The following DNM3 variants were observed in gnomAD, a reference collection of about 807,000 sequenced individuals.
DNM3 encodes the protein dynamin 3.
DNM3 carries 47 observed loss-of-function variants against 101.6 expected under a neutral mutation model. The observed-to-expected ratio is 0.46, with a 90% CI of 0.37 to 0.59. DNM3 has a LOEUF of 0.59. Ranked by LOEUF, DNM3 falls within the 20% of genes least tolerant of loss-of-function variation. The pLI is 0.00. For missense variants in DNM3, 849 were observed against 1,085.7 expected (o/e 0.78, Z 3.06); for synonymous variants, 385 against 387.9 (o/e 0.99, Z 0.09).
At chr1:172,066,152 T>C (rs2051643060) in intron 10 of DNM3, among the ~76,000 whole-genome samples, 1 of 152,104 alleles carries the variant, frequency 6.6e-6, no homozygotes. Context: ...ATTTGTAAGA[T>C]TGGGCTATAT....
chr1:172,009,607 A>T (rs1324325310), intron 4 of DNM3, among the ~76,000 whole-genome samples: 1 of 151,902 alleles, frequency 6.6e-6, no homozygotes. Context: ...AAAAGTCAAT[A>T]CAGTACATTT....
chr1:171,869,241 T>C (rs963258821), intron 1 of DNM3, among the ~76,000 whole-genome samples: 1 of 152,168 alleles, frequency 6.6e-6, no homozygotes, highest in Non-Finnish European at 1.5e-5. Context: ...TGAATTAAGG[T>C]ATGTGAAAAC....
intron 11 of DNM3, among the ~76,000 whole-genome samples, chr1:172,078,600 T>C (rs1481772028): frequency 6.6e-6 from 1 of 152,250 alleles, no homozygotes; most frequent in Admixed American, 6.5e-5. Flanking sequence ...TATCTTTTAA[T>C]TGGGGCATTT....
At chr1:171,892,523 T>G (rs1007139562) in intron 1 of DNM3, among the ~76,000 whole-genome samples, 7 of 152,244 alleles carry the variant, frequency 4.6e-5, no homozygotes, top group Non-Finnish European at 8.8e-5. Context: ...CAATTCTAAT[T>G]CATCACCACA....
intron 4 of DNM3, among the ~76,000 whole-genome samples, chr1:172,010,439 T>A (rs1478470691): frequency 1.3e-5 from 2 of 151,730 alleles, no homozygotes; most frequent in African/African-American, 2.4e-5. Flanking sequence ...CCTTTATTTT[T>A]AAAATATATT....
At chr1:172,127,508 G>A (rs1250777999) in intron 13 of DNM3, among the ~76,000 whole-genome samples, 1 of 150,948 alleles carries the variant, frequency 6.6e-6, no homozygotes, top group Non-Finnish European at 1.5e-5. Context: ...TCCTGTGTTC[G>A]AGTGATTCTC....
chr1:172,062,174 T>C (rs992232871), intron 10 of DNM3, among the ~76,000 whole-genome samples: 4 of 152,204 alleles, frequency 2.6e-5, no homozygotes, highest in Non-Finnish European at 5.9e-5. Context: ...CTTTCTGTTG[T>C]GAAGTTTTTT....
intron 16 of DNM3, among the ~76,000 whole-genome samples, chr1:172,320,388 T>TA (rs1268509136): frequency 2.3e-5 from 2 of 88,568 alleles, no homozygotes; most frequent in Non-Finnish European, 4.3e-5. Flanking sequence ...ATAATAATAA[T>TA]AAAAAAAAGA....
At chr1:171,845,746 G>A (rs147877900) in intron 1 of DNM3, among the ~76,000 whole-genome samples, 55 of 152,274 alleles carry the variant, frequency 3.6e-4, no homozygotes, top group African/African-American at 1.3e-3. Flanking sequence ...TAATTGGATT[G>A]TTTATTTAAG....
intron 10 of DNM3, among the ~76,000 whole-genome samples, chr1:172,052,195 A>G (rs1170904952): frequency 6.6e-6 from 1 of 152,026 alleles, no homozygotes; most frequent in Admixed American, 6.6e-5. Context: ...CTATCCCTCA[A>G]ACTTACCTGT....
chr1:172,145,373 TCTCC>T (rs1036816879), intron 14 of DNM3, among the ~76,000 whole-genome samples: 5 of 144,854 alleles, frequency 3.5e-5, no homozygotes, highest in East Asian at 2.2e-4. Context: ...CCTCCCTCTC[TCTCC>T]CTCCCTCCCT....
rs143688922 is a variant in DNM3, at chr1:172,369,387, C to T, written c.1894-9631C>T. 4.2e-3 allele frequency among the ~76,000 whole-genome samples: 639 copies of T among 151,962 alleles called. 2 individuals are homozygous for T. Among genetic ancestry groups the T allele is most frequent in the African/African-American group, 0.015 (612 of 41,510 alleles). On this transcript the variant is annotated intron_variant, in intron 17 of 20. Coordinates refer to ENST00000627582, the MANE Select transcript of DNM3 (RefSeq NM_015569.5). ...AAGGACAGAAACAATATAATCATCTCAATAGATACAGATAAAAATTTTTAC... is the reference window on the plus strand; with the variant it reads ...AAGGACAGAAACAATATAATCATCTTAATAGATACAGATAAAAATTTTTAC...
chr1:172,370,109 G>T (rs2068245444), intron 17 of DNM3: 1 of 151,878 alleles, frequency 6.6e-6, no homozygotes, highest in Non-Finnish European at 1.5e-5. Context: ...TGAATTTTGT[G>T]GGGGACACAA....
At chr1:171,847,883 T>G (rs2032365871) in intron 1 of DNM3, among the ~76,000 whole-genome samples, 1 of 39,930 alleles carries the variant, frequency 2.5e-5, no homozygotes, top group Non-Finnish European at 4.6e-5. Flanking sequence ...TTAATTACTC[T>G]CTCTCTCTCT....
intron 11 of DNM3, among the ~76,000 whole-genome samples, chr1:172,069,405 G>GA (rs201448973): frequency 1.3e-5 from 2 of 150,718 alleles, no homozygotes; most frequent in Admixed American, 1.3e-4. Flanking sequence ...ACCTATGATT[G>GA]AAAAAAAAAT....
intron 14 of DNM3, among the ~76,000 whole-genome samples, chr1:172,217,379 C>T (rs969888150): frequency 6.6e-6 from 1 of 152,080 alleles, no homozygotes; most frequent in African/African-American, 2.4e-5. Context: ...ATGGCTGGGG[C>T]CTGCCAACCA....
At chr1:172,024,234 GTAA>G (rs1375140073) in intron 4 of DNM3, among the ~76,000 whole-genome samples, 13 of 151,868 alleles carry the variant, frequency 8.6e-5, no homozygotes, top group Non-Finnish European at 1.5e-5. Context: ...ATTCAAAAAA[GTAA>G]TAATATCCAT....
chr1:171,841,802 A>G lies in DNM3; in HGVS notation c.146A>G (p.Glu49Gly). The G allele has an allele frequency of 6.2e-7, 1 of 1,609,248 alleles. No homozygotes were observed. Among genetic ancestry groups the G allele is most frequent in the South Asian group, 1.1e-5 (1 of 90,546 alleles). ...AGCGCCGGCAAGAGCTCGGTGCTCG[A>G]GAACTTCGTGGGCAGGTAAGCGCGC... is the stretch of plus-strand genomic sequence containing the variant. Reference protein sequence around the residue: ...GQSAGKSSVLENFVGRDFLPR... With the variant: ...GQSAGKSSVLGNFVGRDFLPR... Residue 49 changes from glutamate (E) to glycine (G), a missense_variant, in exon 1 of 21, where the codon GAG (glutamate) becomes GGG (glycine). Coordinates refer to ENST00000627582, the MANE Select transcript of DNM3 (RefSeq NM_015569.5).
At chr1:171,994,777 ACTGATT>A (rs2045882190) in intron 4 of DNM3, among the ~76,000 whole-genome samples, 2 of 150,926 alleles carry the variant, frequency 1.3e-5, no homozygotes, top group Non-Finnish European at 3.0e-5. Context: ...AACAATTGCC[ACTGATT>A]ATTTTTGACA....
Sources: gnomAD v4.1 joint callset for allele counts (sites outside exome capture counted in the v4.1 genomes callset) on GRCh38, gnomAD v4.1.1 for gene constraint, MANE v1.5 for transcripts, NCBI Gene and HGNC (gene_info 2026-07-23, HGNC 2026-07-21) for gene names.